The following EFHD2 variants were observed in gnomAD, a reference collection of about 807,000 sequenced individuals.
EFHD2 encodes EF-hand domain family member D2, also known as EF-hand domain-containing protein D2.
In EFHD2, 12 loss-of-function variants were observed where a neutral mutation model predicts 20.3. The ratio of observed to expected loss-of-function variants is 0.59; its 90% CI spans 0.38 to 0.96. The LOEUF (loss-of-function observed/expected upper bound fraction) is 0.96. Among genes scored for constraint, EFHD2 ranks in the 40% least tolerant of loss-of-function variants. The pLI, the probability that EFHD2 is intolerant of heterozygous loss-of-function variation, is 0.00. For missense variants in EFHD2, 250 were observed against 334.3 expected, an observed-to-expected ratio of 0.75 and a Z score of 1.97; for synonymous variants, 131 against 143.9, an observed-to-expected ratio of 0.91 and a Z score of 0.64.
At chr1:15,416,715 C>G (rs988071794) in intron 1 of EFHD2, among the ~76,000 whole-genome samples, 20 of 151,090 alleles carry the variant, frequency 1.3e-4, no homozygotes, top group African/African-American at 4.0e-4. Flanking sequence ...TCCTCTGAAC[C>G]CTTACAGTGG....
chr1:15,425,067 G>A (rs1707851166), intron 1 of EFHD2, among the ~76,000 whole-genome samples: 1 of 152,194 alleles, frequency 6.6e-6, no homozygotes, highest in Non-Finnish European at 1.5e-5. Flanking sequence ...GATTGTTTAA[G>A]GTCTGAGGTT....
intron 1 of EFHD2, among the ~76,000 whole-genome samples, chr1:15,419,420 C>T (rs552172868): frequency 2.0e-5 from 3 of 152,316 alleles, no homozygotes; most frequent in South Asian, 4.1e-4. Flanking sequence ...CCAGTACTGC[C>T]GAATGGCATT....
intron 1 of EFHD2, among the ~76,000 whole-genome samples, chr1:15,420,822 A>AT (rs1484173083): frequency 2.0e-5 from 3 of 151,728 alleles, no homozygotes; most frequent in South Asian, 2.1e-4. Flanking sequence ...CTGGCCCTTT[A>AT]TTTTTTTATA....
intron 1 of EFHD2, among the ~76,000 whole-genome samples, chr1:15,420,498 C>T (rs1232083721): frequency 2.7e-5 from 4 of 147,396 alleles, no homozygotes; most frequent in African/African-American, 8.1e-5. Context: ...TACACCACCA[C>T]GCCCAGCTAA....
At chr1:15,422,158 T>TCTCAG (rs1707803094) in intron 1 of EFHD2, among the ~76,000 whole-genome samples, 1 of 142,974 alleles carries the variant, frequency 7.0e-6, no homozygotes. Flanking sequence ...AGTGGTGCCA[T>TCTCAG]CTCAGCTCAT....
At position 15,424,107 on chromosome 1, in the gene EFHD2, G is replaced by A. The variant is rs538550352; in HGVS notation, c.309-1764G>A. On this transcript the variant is annotated intron_variant, in intron 1 of 3. Transcript: ENST00000375980. ...CTTGGGAGGCTGAGGCGGGAGGATC[G>A]CTTGAGCCCAGGAGGTAGAGGCTGC... Among the ~76,000 whole-genome samples, 79 of 151,828 alleles carry A rather than the reference G, an allele frequency of 5.2e-4. 1 individual carries two copies. Among genetic ancestry groups the A allele is most frequent in the Non-Finnish European group, 3.4e-4 (23 of 67,926 alleles).
intron 1 of EFHD2, among the ~76,000 whole-genome samples, chr1:15,414,164 G>T (rs572070459): frequency 6.6e-6 from 1 of 152,210 alleles, no homozygotes; most frequent in Non-Finnish European, 1.5e-5. Context: ...CCTGTCTCCC[G>T]CCTAGCACAG....
chr1:15,421,935 AT>A (rs1267580220), intron 1 of EFHD2, among the ~76,000 whole-genome samples: 2 of 152,014 alleles, frequency 1.3e-5, no homozygotes, highest in African/African-American at 4.8e-5. Context: ...GGTGACTGCC[AT>A]TTATGCAGCT....
rs942260541 is a variant in EFHD2, at chr1:15,425,506, C to T, written c.309-365C>T. ...AGCCACTGCACTCGAGCCTGGGCAA[C>T]GGAGCGAGACTCCATCTCAAAAAAA... On this transcript the variant is annotated intron_variant, in intron 1 of 3. Coordinates refer to ENST00000375980, the MANE Select transcript of EFHD2 (RefSeq NM_024329.6). Among the ~76,000 whole-genome samples, 10 of 151,340 alleles carry T rather than the reference C, an allele frequency of 6.6e-5. No individual in the cohort carries two copies. In the South Asian group the frequency reaches 1.3e-3, roughly 19 times the overall value.
rs369272507 is a variant in EFHD2, at chr1:15,427,176, G to A, written c.483G>A (p.Ala161=). 85 of 1,610,908 alleles carry A rather than the reference G, an allele frequency of 5.3e-5. No individual in the cohort carries two copies. Among genetic ancestry groups the A allele is most frequent in the African/African-American group, 5.3e-5 (4 of 75,036 alleles). Residue 161 remains alanine, a synonymous_variant, in exon 3 of 4, where the codon GCG becomes GCA. Transcript: ENST00000375980. The part of the protein sequence containing the change: ...REFLLIFRKA[A]AGELQEDSGL... ...TCCTCCTGATCTTCCGCAAGGCGGC[G>A]GCCGGGGAGCTTCAGGAGGACAGCG...
chr1:15,416,451 A>G (rs1707671817), intron 1 of EFHD2, among the ~76,000 whole-genome samples: 1 of 152,154 alleles, frequency 6.6e-6, no homozygotes, highest in Non-Finnish European at 1.5e-5. Flanking sequence ...TTTCAAGGAC[A>G]ACAGAGAGGC....
intron 1 of EFHD2, among the ~76,000 whole-genome samples, chr1:15,415,082 G>A (rs984828848): frequency 2.6e-5 from 4 of 152,150 alleles, no homozygotes; most frequent in Non-Finnish European, 5.9e-5. Flanking sequence ...CATGATAGAT[G>A]ATGTTTTTGA....
Position 15,428,791 on chromosome 1 carries a change from C to A in EFHD2, c.*67C>A. 6.5e-7 allele frequency: 1 copy of A among 1,544,506 alleles called. No homozygotes were observed. Among genetic ancestry groups the A allele is most frequent in the Non-Finnish European group, 8.7e-7 (1 of 1,143,668 alleles). On this transcript the variant is annotated 3_prime_UTR_variant, in exon 4 of 4. Coordinates refer to ENST00000375980, the MANE Select transcript of EFHD2 (RefSeq NM_024329.6). Reference sequence around the variant, plus strand: ...TGGGCGAGGGTGGCGCATGGGAGGCCGAGCCTGAATCCTTGCCTGTGTCTG... The same window carrying A: ...TGGGCGAGGGTGGCGCATGGGAGGCAGAGCCTGAATCCTTGCCTGTGTCTG...
chr1:15,411,940 G>A (rs114951343), intron 1 of EFHD2, among the ~76,000 whole-genome samples: 179 of 152,282 alleles, frequency 1.2e-3, no homozygotes, highest in Middle Eastern at 6.8e-3. Context: ...TTGGCCCCAA[G>A]GCAGGGGGAA....
intron 1 of EFHD2, among the ~76,000 whole-genome samples, chr1:15,422,472 TC>T (rs995824038): frequency 2.7e-5 from 4 of 150,654 alleles, no homozygotes; most frequent in Admixed American, 6.6e-5. Context: ...GCCACTGGCA[TC>T]CCCCCCACCT....
intron 1 of EFHD2, among the ~76,000 whole-genome samples, chr1:15,424,685 G>A (rs72881568): frequency 0.022 from 3,286 of 152,258 alleles, 116 homozygotes; most frequent in African/African-American, 0.075. Flanking sequence ...CTCGACAAAG[G>A]CAGAGGCCCT....
intron 1 of EFHD2, among the ~76,000 whole-genome samples, chr1:15,425,524 CA>C (rs111906187): frequency 0.032 from 4,572 of 141,032 alleles, 218 homozygotes; most frequent in African/African-American, 0.11. Context: ...GACTCCATCT[CA>C]AAAAAAAAAA....
chr1:15,409,888 G>A lies in EFHD2; in HGVS notation c.-84G>A. 1 of 1,176,426 alleles carries A rather than the reference G, an allele frequency of 8.5e-7. No homozygotes were observed. The highest frequency in any genetic ancestry group is 1.6e-5 in the African/African-American group (1 of 62,296). 72.9% of individuals were successfully genotyped at this position (1,176,426 alleles called of 1,614,324 possible). ...CTTCGGGGGCGGTGCCTGGCCCGGG[G>A]AGTGTCAGGAAGAGGAAGAGCGCGG... is the stretch of plus-strand genomic sequence containing the variant. On this transcript the variant is annotated 5_prime_UTR_variant, in exon 1 of 4. Transcript: ENST00000375980.
intron 1 of EFHD2, among the ~76,000 whole-genome samples, chr1:15,422,050 C>T (rs1045795841): frequency 2.6e-5 from 4 of 151,144 alleles, no homozygotes; most frequent in Non-Finnish European, 5.9e-5. Flanking sequence ...GGTTCTCAGC[C>T]TCAGCTCCAC....
Sources: gnomAD v4.1 joint callset for allele counts (sites outside exome capture counted in the v4.1 genomes callset) on GRCh38, gnomAD v4.1.1 for gene constraint, MANE v1.5 for transcripts, NCBI Gene and HGNC (gene_info 2026-07-23, HGNC 2026-07-21) for gene names.